Variants in POTEB observed in about 807,000 individuals in gnomAD.
The protein encoded by POTEB is POTE ankyrin domain family member B, also known as ANKRD26-like family B, member 1.
chr15:21,855,334 T>G (rs1185839722), intron 9 of POTEB, among the ~76,000 whole-genome samples: 1 of 148,194 alleles, frequency 6.7e-6, no homozygotes, highest in Non-Finnish European at 1.5e-5. Context: ...AACACAGCCA[T>G]GCTTATTCAC....
At chr15:21,854,471 G>A (rs1421461665) in intron 9 of POTEB, among the ~76,000 whole-genome samples, 1 of 150,470 alleles carries the variant, frequency 6.6e-6, no homozygotes, top group Non-Finnish European at 1.5e-5. Flanking sequence ...AAATATTGCT[G>A]ACAGATTAAA....
rs1442428778 is a variant in POTEB at position 21,847,416 on chromosome 15, C to T, written c.1422+783G>A. Reference sequence around the variant, plus strand: ...AAGATTTTTGCCAGGTCTTCTGATGCTACTGTTAGTGATCCTCCACAAAAT... The same window carrying T: ...AAGATTTTTGCCAGGTCTTCTGATGTTACTGTTAGTGATCCTCCACAAAAT... On this transcript the variant is annotated intron_variant, in intron 10 of 10. Transcript: ENST00000439682. Among the ~76,000 whole-genome samples the T allele has an allele frequency of 1.2e-4, 8 of 64,114 alleles. 2 individuals carry two copies. Among genetic ancestry groups the T allele is most frequent in the African/African-American group, 3.5e-4 (7 of 19,980 alleles). 42.1% of individuals were successfully genotyped at this position (64,114 alleles called of 152,430 possible). A position where few individuals can be genotyped will look rare whatever the true frequency, so the allele number is the denominator to read the frequency against.
intron 10 of POTEB, among the ~76,000 whole-genome samples, chr15:21,847,664 T>C (rs1371662836): frequency 3.7e-3 from 5 of 1,354 alleles, no homozygotes; most frequent in Admixed American, 0.02. Context: ...AAAATACTTA[T>C]CAATAAATTA....
chr15:21,854,510 A>G (rs1007808033), intron 9 of POTEB, among the ~76,000 whole-genome samples: 17,895 of 139,500 alleles, frequency 0.13, 768 homozygotes, highest in Admixed American at 0.23. Flanking sequence ...AAGTGCCTAG[A>G]TTTATTACAG....
In POTEB at chr15:21,854,773, TTA is replaced by T. The variant is rs1889839271; in HGVS notation, c.1298+2017_1298+2018del. ...GTAGTTTTCAAATTTTATATAACAA[TTA>T]TATATTTTAAAGCTTATAAAAATTA... On this transcript the variant is annotated intron_variant, in intron 9 of 10. Coordinates refer to ENST00000439682, the MANE Select transcript of POTEB (RefSeq NM_001277304.2). Among the ~76,000 whole-genome samples the T allele has an allele frequency of 5.4e-5, 8 of 146,930 alleles. No homozygotes were observed. In the South Asian group the frequency reaches 1.8e-3, roughly 32 times the overall value.
chr15:21,854,392 G>T (rs1889823990), intron 9 of POTEB, among the ~76,000 whole-genome samples: 1 of 149,120 alleles, frequency 6.7e-6, no homozygotes, highest in Non-Finnish European at 1.5e-5. Context: ...AGGAGGAAAA[G>T]CCTGAGGGAG....
At chr15:21,871,378 C>G (rs868579320) in intron 3 of POTEB, among the ~76,000 whole-genome samples, 1 of 18,862 alleles carries the variant, frequency 5.3e-5, no homozygotes, top group Admixed American at 1.1e-3. Context: ...CACACACACA[C>G]ACACACACAC....
At chr15:21,856,771 T>G in intron 9 of POTEB, 21 bp downstream of exon 9, 1 of 621,868 alleles carries the variant, frequency 1.6e-6, no homozygotes, top group Non-Finnish European at 2.0e-6. Context: ...TATCTCCTAT[T>G]AAATGTTGCC....
chr15:21,854,466 T>C (rs1475169405), intron 9 of POTEB, among the ~76,000 whole-genome samples: 5 of 150,344 alleles, frequency 3.3e-5, no homozygotes, highest in Admixed American at 2.0e-4. Flanking sequence ...GGCTCAAATA[T>C]TGCTGACAGA....
chr15:21,855,209 T>C (rs1278514406), intron 9 of POTEB, among the ~76,000 whole-genome samples: 2 of 148,448 alleles, frequency 1.3e-5, no homozygotes, highest in African/African-American at 2.4e-5. Context: ...TGGGCACTTT[T>C]ATAAATAAGT....
intron 9 of POTEB, among the ~76,000 whole-genome samples, chr15:21,849,050 C>G (rs1595401920): frequency 2.6e-5 from 3 of 113,948 alleles, no homozygotes; most frequent in African/African-American, 9.4e-5. Context: ...CTTTATTCCT[C>G]TGTAATTTAT....
intron 9 of POTEB, among the ~76,000 whole-genome samples, chr15:21,851,694 TA>T (rs1182204597): frequency 3.1e-5 from 3 of 97,322 alleles, no homozygotes; most frequent in African/African-American, 1.0e-4. Flanking sequence ...ACCAAAATTT[TA>T]AAATGAAGTC....
intron 9 of POTEB, among the ~76,000 whole-genome samples, chr15:21,854,275 CA>C (rs1462104967): frequency 1.2e-4 from 16 of 136,868 alleles, no homozygotes; most frequent in Non-Finnish European, 6.4e-5. Flanking sequence ...AAGAAAAAGT[CA>C]CAAGAAAGAA....
chr15:21,871,420 C>A (rs1456404040), intron 3 of POTEB, among the ~76,000 whole-genome samples: 1 of 26,186 alleles, frequency 3.8e-5, no homozygotes, highest in Non-Finnish European at 1.1e-4. Flanking sequence ...AAAACAAAAA[C>A]AAAAACAAAA....
intron 9 of POTEB, among the ~76,000 whole-genome samples, chr15:21,855,353 C>G (rs1340032847): frequency 6.8e-6 from 1 of 147,528 alleles, no homozygotes; most frequent in Non-Finnish European, 1.5e-5. Context: ...ACTTTACAGT[C>G]CATAGAGTCA....
intron 9 of POTEB, among the ~76,000 whole-genome samples, chr15:21,854,684 GT>G (rs1359254795): frequency 6.7e-6 from 1 of 149,112 alleles, no homozygotes; most frequent in Non-Finnish European, 1.5e-5. Context: ...TGAGAATGTT[GT>G]AATTTTCTTC....
At chr15:21,851,716 G>T in intron 9 of POTEB, among the ~76,000 whole-genome samples, 2 of 96,772 alleles carry the variant, frequency 2.1e-5, no homozygotes, top group Non-Finnish European at 4.5e-5. Flanking sequence ...TACAATTCTG[G>T]AATATAAAGT....
At chr15:21,854,984 A>G (rs1595404258) in intron 9 of POTEB, among the ~76,000 whole-genome samples, 1 of 143,598 alleles carries the variant, frequency 7.0e-6, no homozygotes, top group East Asian at 2.0e-4. Context: ...AAATCAGCCA[A>G]TTCTAGGACA....
chr15:21,850,150 C>A, intron 9 of POTEB, among the ~76,000 whole-genome samples: 4 of 30,724 alleles, frequency 1.3e-4, no homozygotes, highest in Non-Finnish European at 3.0e-4. Context: ...ACCCTGAAAG[C>A]AAAAGCAACA....
Sources: allele counts gnomAD v4.1 joint callset (sites outside exome capture counted in the v4.1 genomes callset), GRCh38; gene constraint gnomAD v4.1.1; transcripts MANE v1.5; gene names NCBI Gene and HGNC (gene_info 2026-07-23, HGNC 2026-07-21).